The following RAP1GAP2 variants were observed in gnomAD, a reference collection of about 807,000 sequenced individuals.
RAP1GAP2 encodes the protein RAP1 GTPase activating protein 2.
RAP1GAP2 carries 27 observed loss-of-function variants against 95.0 expected under a neutral mutation model. The ratio of observed to expected loss-of-function variants is 0.28; its 90% CI spans 0.21 to 0.39. The LOEUF (loss-of-function observed/expected upper bound fraction) is 0.39. Among genes scored for constraint, RAP1GAP2 ranks in the 10% least tolerant of loss-of-function variants. The pLI, the probability that RAP1GAP2 is intolerant of heterozygous loss-of-function variation, is 1.00. For missense variants in RAP1GAP2, 771 were observed against 970.0 expected, an observed-to-expected ratio of 0.79 and a Z score of 2.72; for synonymous variants, 373 against 380.9, an observed-to-expected ratio of 0.98 and a Z score of 0.24.
At chr17:2,985,336 G>A (rs751452017) in intron 11 of RAP1GAP2, among the ~76,000 whole-genome samples, 3 of 151,258 alleles carry the variant, frequency 2.0e-5, no homozygotes, top group Admixed American at 6.6e-5. Context: ...CGTCTTCTAC[G>A]TATTTATGGG....
In RAP1GAP2 at chr17:2,797,656, A is replaced by T. The variant is rs2069133494; in HGVS notation, c.44+1085A>T. ...AGCACTTTGCCATCCATCCTCTGGC[A>T]GGGGGGGACTGTGGGCACTCCATGT... On this transcript the variant is annotated intron_variant, in intron 1 of 24. Coordinates refer to ENST00000254695, the MANE Select transcript of RAP1GAP2 (RefSeq NM_015085.5). The surrounding 1 kb of genome is among the most constrained non-coding windows in gnomAD (Gnocchi z 5.6). 1 of 977,610 alleles carries T rather than the reference A, an allele frequency of 1.0e-6. No individual in the cohort carries two copies. Among genetic ancestry groups the T allele is most frequent in the East Asian group, 1.1e-4 (1 of 8,768 alleles). 60.6% of individuals were successfully genotyped at this position (977,610 alleles called of 1,614,324 possible). A position where few individuals can be genotyped will look rare whatever the true frequency, so the allele number is the denominator to read the frequency against.
chr17:2,880,705 T>C (rs978753869), intron 2 of RAP1GAP2, among the ~76,000 whole-genome samples: 1 of 152,130 alleles, frequency 6.6e-6, no homozygotes, highest in African/African-American at 2.4e-5. Flanking sequence ...CTTCTGAGCA[T>C]TTCATAATGC....
intron 2 of RAP1GAP2, among the ~76,000 whole-genome samples, chr17:2,824,395 C>A (rs1346816315): frequency 1.4e-5 from 2 of 144,904 alleles, no homozygotes; most frequent in Non-Finnish European, 3.0e-5. Context: ...TTCAGTGAAC[C>A]GAGATTGTGC....
chr17:2,862,079 C>G (rs568203703), intron 2 of RAP1GAP2, among the ~76,000 whole-genome samples: 1 of 152,106 alleles, frequency 6.6e-6, no homozygotes, highest in Non-Finnish European at 1.5e-5. Flanking sequence ...ATCACTTGCC[C>G]GTGTGTAGCT....
intron 3 of RAP1GAP2, among the ~76,000 whole-genome samples, chr17:2,922,669 G>T (rs72819289): frequency 1.3e-5 from 2 of 152,020 alleles, no homozygotes; most frequent in Non-Finnish European, 2.9e-5. Flanking sequence ...CTGCTGCCCC[G>T]GGACCTGGTA....
intron 2 of RAP1GAP2, among the ~76,000 whole-genome samples, chr17:2,873,762 AT>A (rs2072959285): frequency 6.6e-6 from 1 of 151,838 alleles, no homozygotes; most frequent in African/African-American, 2.4e-5. Flanking sequence ...TTTATTATTT[AT>A]TTATTTATTT....
At chr17:2,779,246 G>C (rs148033874) in intron 1 of RAP1GAP2, among the ~76,000 whole-genome samples, 3 of 152,318 alleles carry the variant, frequency 2.0e-5, no homozygotes, top group Admixed American at 2.0e-4. Context: ...TCTGAGCCTC[G>C]GTTTCCTTAG....
chr17:2,992,662 C>A (rs538087822), intron 12 of RAP1GAP2, among the ~76,000 whole-genome samples: 35 of 152,310 alleles, frequency 2.3e-4, no homozygotes, highest in African/African-American at 6.7e-4. Flanking sequence ...GAGCTCCTCA[C>A]ATCGTGTGAA....
chr17:2,867,054 T>C lies in RAP1GAP2; in HGVS notation c.81-38230T>C, dbSNP rs537993556. On this transcript the variant is annotated intron_variant, in intron 2 of 24. Coordinates refer to ENST00000254695, the MANE Select transcript of RAP1GAP2 (RefSeq NM_015085.5). The surrounding 1 kb of genome is among the most constrained non-coding windows in gnomAD (Gnocchi z 4.5). The stretch of plus-strand genomic sequence containing the variant: ...TAGCTGGGATTACAGGTGCCCACTG[T>C]CATGTCTAGCTAATTTTTGTATTTG... Among the ~76,000 whole-genome samples the C allele has an allele frequency of 6.6e-6, 1 of 151,638 alleles. No homozygotes were observed. The highest frequency in any genetic ancestry group is 2.1e-4 in the South Asian group (1 of 4,798).
chr17:2,936,920 G>T (rs752381100), intron 3 of RAP1GAP2, among the ~76,000 whole-genome samples: 21 of 152,238 alleles, frequency 1.4e-4, no homozygotes, highest in Admixed American at 6.5e-4. Context: ...CCAGACTGAA[G>T]TCAGTTCCTT....
chr17:3,036,288 G>A lies in RAP1GAP2; in HGVS notation c.*2927G>A, dbSNP rs4264423. The A allele has an allele frequency of 0.42, 63,730 of 152,120 alleles. 14,032 individuals are homozygous for A. Among genetic ancestry groups the A allele is most frequent in the African/African-American group, 0.57 (23,661 of 41,474 alleles). 9.4% of individuals were successfully genotyped at this position (152,120 alleles called of 1,614,324 possible). A position where few individuals can be genotyped will look rare whatever the true frequency, so the allele number is the denominator to read the frequency against. On this transcript the variant is annotated 3_prime_UTR_variant, in exon 25 of 25. Transcript: ENST00000254695. Reference sequence around the variant, plus strand: ...AGAAATCTTAGCCCAGGTGAGGGGAGTAACTTGCTTGAGGTCACACAGCTG... The same window carrying A: ...AGAAATCTTAGCCCAGGTGAGGGGAATAACTTGCTTGAGGTCACACAGCTG...
At chr17:2,891,814 CT>C (rs917540694) in intron 2 of RAP1GAP2, among the ~76,000 whole-genome samples, 725 of 54,272 alleles carry the variant, frequency 0.013, 1 homozygote, top group African/African-American at 0.037. Flanking sequence ...TATTTCTTTT[CT>C]TTTTTTTTTT....
chr17:2,982,540 G>A (rs2045405786), intron 10 of RAP1GAP2, among the ~76,000 whole-genome samples: 1 of 152,174 alleles, frequency 6.6e-6, no homozygotes, highest in South Asian at 2.1e-4. Context: ...TTCCTGCACA[G>A]AGCCTTTCGT....
intron 4 of RAP1GAP2, among the ~76,000 whole-genome samples, chr17:2,961,673 G>A (rs189786630): frequency 3.3e-5 from 5 of 152,302 alleles, no homozygotes; most frequent in South Asian, 4.1e-4. Flanking sequence ...AAAGGTGAGC[G>A]TCTAATCCTC....
rs528363616 is a variant in RAP1GAP2 at position 2,851,882 on chromosome 17, T to C, written c.80+51332T>C. On this transcript the variant is annotated intron_variant, in intron 2 of 24. Coordinates refer to ENST00000254695, the MANE Select transcript of RAP1GAP2 (RefSeq NM_015085.5). ...AGGTGTGAGCCACCCTGTTACCCACTGTGCACTTGACCTGAACTAGCTCCC... is the reference window on the plus strand; with the variant it reads ...AGGTGTGAGCCACCCTGTTACCCACCGTGCACTTGACCTGAACTAGCTCCC... Among the ~76,000 whole-genome samples, 452 of 152,294 alleles carry C rather than the reference T, an allele frequency of 3.0e-3. 1 individual carries two copies. Among genetic ancestry groups the C allele is most frequent in the Non-Finnish European group, 4.5e-3 (306 of 68,028 alleles).
In RAP1GAP2 at chr17:2,995,567, T is replaced by A. The variant is rs892798347; in HGVS notation, c.1044+101T>A. ...AGGCTGTGGCCGTCCCCATATTCGT[T>A]CCCGTAGCCGGCCATTCGTTCAGCT... is the stretch of plus-strand genomic sequence containing the variant. On this transcript the variant is annotated intron_variant, in intron 13 of 24. Coordinates refer to ENST00000254695, the MANE Select transcript of RAP1GAP2 (RefSeq NM_015085.5). 4.7e-6 allele frequency: 7 copies of A among 1,478,320 alleles called. No homozygotes were observed. In the African/African-American group the frequency reaches 1.0e-4, roughly 21 times the overall value. 91.6% of individuals were successfully genotyped at this position (1,478,320 alleles called of 1,614,324 possible).
At chr17:2,834,174 C>T (rs2071030988) in intron 2 of RAP1GAP2, among the ~76,000 whole-genome samples, 1 of 152,146 alleles carries the variant, frequency 6.6e-6, no homozygotes, top group African/African-American at 2.4e-5. Flanking sequence ...TGGGATTGAC[C>T]ACACTGACTT....
chr17:2,824,741 A>C (rs1173651483), intron 2 of RAP1GAP2, among the ~76,000 whole-genome samples: 3 of 124,652 alleles, frequency 2.4e-5, no homozygotes, highest in Non-Finnish European at 4.9e-5. Flanking sequence ...ACTCTGTCTC[A>C]AAAAAAAAAA....
At chr17:2,841,996 C>T (rs1007577803) in intron 2 of RAP1GAP2, among the ~76,000 whole-genome samples, 3 of 152,208 alleles carry the variant, frequency 2.0e-5, no homozygotes, top group Non-Finnish European at 2.9e-5. Flanking sequence ...GGCGTGCAAG[C>T]CTCAACCCTC....
Sources: allele counts gnomAD v4.1 joint callset (sites outside exome capture counted in the v4.1 genomes callset), GRCh38; gene constraint gnomAD v4.1.1; non-coding constraint Gnocchi (gnomAD v3.1); transcripts MANE v1.5; gene names NCBI Gene and HGNC (gene_info 2026-07-23, HGNC 2026-07-21).